The following ITGA9 variants were observed in gnomAD, a reference collection of about 807,000 sequenced individuals.
ITGA9 encodes the protein integrin alpha-9.
Under a neutral mutation model 127.8 loss-of-function variants are expected in ITGA9, and 56 were observed. The ratio of observed to expected loss-of-function variants is 0.44; its 90% CI spans 0.35 to 0.55. ITGA9 has a LOEUF of 0.55. ITGA9 is among the 20% of genes least tolerant of loss of function. ITGA9 has a pLI of 0.00. For missense variants in ITGA9, 1,196 were observed against 1,347.1 expected (o/e 0.89, Z 1.76); for synonymous variants, 508 against 514.5 (o/e 0.99, Z 0.17).
Position 37,522,856 on chromosome 3 carries a change from G to A in ITGA9, c.1237-665G>A, listed in dbSNP as rs202060174. ...GCTGTTTTCTAGAGGGGAGGGCAGG[G>A]CATCTTCTTCAGCTGAGTGCTTTTG... is the stretch of plus-strand genomic sequence containing the variant. On this transcript the variant is annotated intron_variant, in intron 11 of 27. Coordinates refer to ENST00000264741, the MANE Select transcript of ITGA9 (RefSeq NM_002207.3). Among the ~76,000 whole-genome samples, 12 of 152,270 alleles carry A rather than the reference G, an allele frequency of 7.9e-5. No homozygotes were observed. In the East Asian group the frequency reaches 2.1e-3, roughly 27 times the overall value.
At chr3:37,773,819 T>C (rs1293242535) in intron 23 of ITGA9, among the ~76,000 whole-genome samples, 2 of 152,178 alleles carry the variant, frequency 1.3e-5, no homozygotes, top group East Asian at 3.8e-4. Context: ...AAAAAGAAGT[T>C]TGGAGAAATG....
intron 16 of ITGA9, among the ~76,000 whole-genome samples, chr3:37,640,522 C>T (rs1700322041): frequency 2.0e-5 from 3 of 152,162 alleles, no homozygotes; most frequent in Admixed American, 6.5e-5. Flanking sequence ...TCTAGATAAT[C>T]GTCCAGACCA....
intron 4 of ITGA9, among the ~76,000 whole-genome samples, chr3:37,487,488 T>C (rs1698622937): frequency 1.3e-5 from 2 of 152,240 alleles, no homozygotes; most frequent in Admixed American, 6.5e-5. Context: ...CGTGGAATTA[T>C]AGACTACCTA....
Position 37,533,703 on chromosome 3 carries a change from C to G in ITGA9, c.1528+235C>G, listed in dbSNP as rs139088743. The stretch of plus-strand genomic sequence containing the variant: ...CAAATAATGTTGGACCCCAAGCATT[C>G]TTTTTGCAAATATGAGGGCTAGACT... On this transcript the variant is annotated intron_variant, in intron 14 of 27. Coordinates refer to ENST00000264741, the MANE Select transcript of ITGA9 (RefSeq NM_002207.3). Among the ~76,000 whole-genome samples the G allele has an allele frequency of 4.3e-3, 656 of 152,314 alleles. 8 individuals are homozygous for G. Among genetic ancestry groups the G allele is most frequent in the African/African-American group, 0.015 (631 of 41,564 alleles).
intron 13 of ITGA9, among the ~76,000 whole-genome samples, chr3:37,531,716 C>T (rs1559529710): frequency 6.6e-6 from 1 of 152,216 alleles, no homozygotes; most frequent in Non-Finnish European, 1.5e-5. Flanking sequence ...TTTTCAGTCT[C>T]CTAGGCTGGA....
At chr3:37,558,189 A>C (rs1380824217) in intron 15 of ITGA9, among the ~76,000 whole-genome samples, 1 of 152,126 alleles carries the variant, frequency 6.6e-6, no homozygotes, top group African/African-American at 2.4e-5. Context: ...GGTTCTCTGC[A>C]CTTCTGTTTG....
At chr3:37,733,010 C>T (rs890453629) in intron 19 of ITGA9, 4 of 574,786 alleles carry the variant, frequency 7.0e-6, no homozygotes, top group East Asian at 3.1e-5. Flanking sequence ...TCTTTCTCTT[C>T]GATTCACATG....
intron 15 of ITGA9, among the ~76,000 whole-genome samples, chr3:37,610,302 A>G (rs559247629): frequency 3.8e-4 from 58 of 152,188 alleles, no homozygotes; most frequent in Non-Finnish European, 7.2e-4. Flanking sequence ...TAAATTGTTT[A>G]ATTAAAACTC....
intron 13 of ITGA9, among the ~76,000 whole-genome samples, chr3:37,530,717 G>GTTTTTTTTTTTTTT: frequency 1.2e-5 from 1 of 86,252 alleles, no homozygotes; most frequent in Non-Finnish European, 2.1e-5. Context: ...CAGCTACCAG[G>GTTTTTTTTTTTTTT]TTTTTTTTTT....
intron 20 of ITGA9, among the ~76,000 whole-genome samples, chr3:37,740,792 C>T: frequency 6.6e-6 from 1 of 152,202 alleles, no homozygotes; most frequent in Admixed American, 6.5e-5. Flanking sequence ...AGAATGATCT[C>T]ACAAGAATCC....
At chr3:37,476,559 A>T (rs183188352) in intron 3 of ITGA9, among the ~76,000 whole-genome samples, 10 of 151,964 alleles carry the variant, frequency 6.6e-5, no homozygotes, top group Admixed American at 5.9e-4. Context: ...ATTGTTGTTG[A>T]GTTATCCTCA....
At chr3:37,737,536 A>G (rs1385644907) in intron 20 of ITGA9, among the ~76,000 whole-genome samples, 1 of 152,184 alleles carries the variant, frequency 6.6e-6, no homozygotes, top group Non-Finnish European at 1.5e-5. Context: ...TCCCCTCAGT[A>G]GCATGTGCCC....
intron 8 of ITGA9, among the ~76,000 whole-genome samples, chr3:37,510,894 A>C (rs1311180450): frequency 6.6e-6 from 1 of 152,140 alleles, no homozygotes; most frequent in Non-Finnish European, 1.5e-5. Context: ...CCCTGTCATC[A>C]TCGTTCTGCT....
chr3:37,607,459 G>T (rs1166058007), intron 15 of ITGA9, among the ~76,000 whole-genome samples: 1 of 152,174 alleles, frequency 6.6e-6, no homozygotes, highest in African/African-American at 2.4e-5. Flanking sequence ...GGTAGGATGG[G>T]TGTTAATTGG....
rs1429893418 is a variant in ITGA9, at chr3:37,616,000, C to A, written c.1690-13187C>A. Reference sequence around the variant, plus strand: ...TCTGATCTTGGTTATTTCTTGCCTTCTGCTAGCTTTTGAATGTGTTTGCTC... The same window carrying A: ...TCTGATCTTGGTTATTTCTTGCCTTATGCTAGCTTTTGAATGTGTTTGCTC... On this transcript the variant is annotated intron_variant, in intron 15 of 27. Coordinates refer to ENST00000264741, the MANE Select transcript of ITGA9 (RefSeq NM_002207.3). Among the ~76,000 whole-genome samples, 10 of 152,300 alleles carry A rather than the reference C, an allele frequency of 6.6e-5. No homozygotes were observed. The East Asian group carries it at 1.9e-3, about 29-fold the overall frequency.
chr3:37,711,311 G>A (rs953772110), intron 18 of ITGA9, among the ~76,000 whole-genome samples: 2 of 152,222 alleles, frequency 1.3e-5, no homozygotes, highest in African/African-American at 4.8e-5. Context: ...CCACCATGTA[G>A]TGACTGACTT....
chr3:37,660,568 G>T (rs184600653), intron 17 of ITGA9, among the ~76,000 whole-genome samples: 2 of 152,280 alleles, frequency 1.3e-5, no homozygotes, highest in East Asian at 1.9e-4. Flanking sequence ...TTTCAAGTGT[G>T]GTCAGAGCTA....
At position 37,484,219 on chromosome 3, in the gene ITGA9, G is replaced by A. The variant is rs540220964; in HGVS notation, c.544+2612G>A. 3.9e-5 allele frequency among the ~76,000 whole-genome samples: 6 copies of A among 152,290 alleles called. No individual in the cohort carries two copies. In the South Asian group the frequency reaches 1.0e-3, roughly 26 times the overall value. On this transcript the variant is annotated intron_variant, in intron 4 of 27. Transcript: ENST00000264741. Reference sequence around the variant, plus strand: ...GGATGGGGCTGGCATGTGGAGTATTGGGGTGTAAGAGCAGCCCCTTAGAAA... The same window carrying A: ...GGATGGGGCTGGCATGTGGAGTATTAGGGTGTAAGAGCAGCCCCTTAGAAA...
chr3:37,759,100 CAT>C (rs753666121), intron 23 of ITGA9, among the ~76,000 whole-genome samples: 3 of 150,102 alleles, frequency 2.0e-5, no homozygotes, highest in Non-Finnish European at 4.4e-5. Context: ...CACACACACA[CAT>C]ATACCCACAT....
Sources: gnomAD v4.1 joint callset for allele counts (sites outside exome capture counted in the v4.1 genomes callset) on GRCh38, gnomAD v4.1.1 for gene constraint, MANE v1.5 for transcripts, NCBI Gene and HGNC (gene_info 2026-07-23, HGNC 2026-07-21) for gene names.